Variants in DNAJC5 observed in about 807,000 individuals in gnomAD.
DNAJC5 encodes the protein DnaJ heat shock protein family (Hsp40) member C5.
Under a neutral mutation model 23.2 loss-of-function variants are expected in DNAJC5, and 1 was observed. The ratio of observed to expected loss-of-function variants is 0.04; its 90% confidence interval spans 0.02 to 0.20. DNAJC5 has a LOEUF of 0.20. Among genes scored for constraint, DNAJC5 ranks in the 10% least tolerant of loss-of-function variants. DNAJC5 has a pLI of 1.00. For missense variants in DNAJC5, 180 were observed against 267.0 expected, an observed-to-expected ratio of 0.67 and a Z score of 2.27; for synonymous variants, 136 against 120.0, an observed-to-expected ratio of 1.13 and a Z score of -0.87.
chr20:63,898,918 C>T (rs2053391456), intron 1 of DNAJC5, among the ~76,000 whole-genome samples: 1 of 152,156 alleles, frequency 6.6e-6, no homozygotes, highest in Non-Finnish European at 1.5e-5. Context: ...GTTCTCGTGC[C>T]ACAAAGTCCT....
chr20:63,926,787 A>G (rs1023277667), intron 1 of DNAJC5, among the ~76,000 whole-genome samples: 1 of 152,198 alleles, frequency 6.6e-6, no homozygotes, highest in Non-Finnish European at 1.5e-5. Flanking sequence ...AGTTGGCTTC[A>G]TGGAGCCCCC....
At chr20:63,915,893 C>G (rs968061414) in intron 1 of DNAJC5, among the ~76,000 whole-genome samples, 4 of 152,176 alleles carry the variant, frequency 2.6e-5, no homozygotes, top group African/African-American at 9.7e-5. Context: ...AAGTGACTAG[C>G]TAGTAAAGGA....
At chr20:63,924,035 TTG>T (rs573617445) in intron 1 of DNAJC5, among the ~76,000 whole-genome samples, 313 of 152,340 alleles carry the variant, frequency 2.1e-3, no homozygotes, top group Non-Finnish European at 3.3e-3. Flanking sequence ...GATTCTGCTG[TTG>T]TGTGTGTGTC....
At chr20:63,913,332 G>A (rs1013095812) in intron 1 of DNAJC5, among the ~76,000 whole-genome samples, 2 of 151,736 alleles carry the variant, frequency 1.3e-5, no homozygotes, top group African/African-American at 4.8e-5. Context: ...GACGTCATCT[G>A]TTCTTTCTAG....
At chr20:63,911,898 A>T (rs543995136) in intron 1 of DNAJC5, among the ~76,000 whole-genome samples, 3 of 151,872 alleles carry the variant, frequency 2.0e-5, no homozygotes, top group African/African-American at 7.2e-5. Flanking sequence ...CAGAATGATC[A>T]AACTTCTAGG....
rs577579444 is a variant in DNAJC5, at chr20:63,934,113, C to G, written c.*2545C>G. On this transcript the variant is annotated 3_prime_UTR_variant, in exon 5 of 5. Coordinates refer to ENST00000360864, the MANE Select transcript of DNAJC5 (RefSeq NM_025219.3). ...ACACTCGGGGCCTGGAGTTCCTCCC[C>G]CTGCCTGACCTAGAAGCAGAACCGT... 10 of 152,376 alleles carry G rather than the reference C, an allele frequency of 6.6e-5. No individual in the cohort carries two copies. The South Asian group carries it at 1.7e-3, about 25-fold the overall frequency. 9.4% of individuals were successfully genotyped at this position (152,376 alleles called of 1,614,324 possible). A position where few individuals can be genotyped will look rare whatever the true frequency, so the allele number is the denominator to read the frequency against.
At chr20:63,899,807 TC>T (rs1568973598) in intron 1 of DNAJC5, among the ~76,000 whole-genome samples, 1 of 151,756 alleles carries the variant, frequency 6.6e-6, no homozygotes, top group African/African-American at 2.4e-5. Context: ...GGTCTCGATC[TC>T]CTGACCTTGT....
At chr20:63,909,701 A>G (rs1398677387) in intron 1 of DNAJC5, among the ~76,000 whole-genome samples, 2 of 152,216 alleles carry the variant, frequency 1.3e-5, no homozygotes, top group Non-Finnish European at 2.9e-5. Context: ...AAAGAAAGAA[A>G]AAAGTCTTCC....
rs770758533 is a variant in DNAJC5 at position 63,931,480 on chromosome 20, C to T, written c.509C>T (p.Pro170Leu). The T allele has an allele frequency of 7.7e-6, 12 of 1,567,598 alleles. No individual in the cohort carries two copies. The highest frequency in any genetic ancestry group is 4.1e-5 in the African/African-American group (3 of 73,738). ...QSDEREATDT[P>L]IVIQPASATE... is the part of the protein sequence containing the mutation. ...TGCTTTTCAGAGGCCACAGACACGC[C>T]GATCGTCATACAGCCGGCATCCGCC... The change falls in exon 5 of 5, where the codon CCG becomes CTG. Residue 170 changes from proline (P) to leucine (L), a missense_variant. Around this residue, in one of 3 missense-constraint regions of DNAJC5, gnomAD observed 97 missense variants for 123.4 expected, o/e 0.79. Transcript: ENST00000360864. This position sits in a 1 kb window ranked among gnomAD's most constrained non-coding sequence, Gnocchi z 9.6.
At chr20:63,914,441 A>T (rs1200218765) in intron 1 of DNAJC5, among the ~76,000 whole-genome samples, 3 of 151,452 alleles carry the variant, frequency 2.0e-5, no homozygotes, top group Admixed American at 1.3e-4. Flanking sequence ...CAGTCTTCCG[A>T]GTCGCTGGGA....
intron 1 of DNAJC5, among the ~76,000 whole-genome samples, chr20:63,897,420 G>T (rs1462454820): frequency 6.6e-6 from 1 of 151,690 alleles, no homozygotes; most frequent in Non-Finnish European, 1.5e-5. Flanking sequence ...ATAAAAATTA[G>T]CTGGTTGTGG....
intron 1 of DNAJC5, among the ~76,000 whole-genome samples, chr20:63,897,091 C>T (rs1453362110): frequency 6.6e-6 from 1 of 152,120 alleles, no homozygotes; most frequent in Non-Finnish European, 1.5e-5. Context: ...GAAGTTAAAA[C>T]GTTTCTAAAA....
chr20:63,918,245 G>C (rs573761814), intron 1 of DNAJC5, among the ~76,000 whole-genome samples: 1 of 152,264 alleles, frequency 6.6e-6, no homozygotes, highest in East Asian at 1.9e-4. Flanking sequence ...AGCCAGGCAC[G>C]ATGCTGTGTG....
chr20:63,919,114 C>T (rs989414329), intron 1 of DNAJC5, among the ~76,000 whole-genome samples: 3 of 152,262 alleles, frequency 2.0e-5, no homozygotes, highest in South Asian at 4.1e-4. Flanking sequence ...TAAGAACACA[C>T]GTATTTTATT....
rs1231352823 is a variant in DNAJC5, at chr20:63,934,127, A to G, written c.*2559A>G. The stretch of plus-strand genomic sequence containing the variant: ...GAGTTCCTCCCCCTGCCTGACCTAG[A>G]AGCAGAACCGTTTTCAGCGCTCTGC... On this transcript the variant is annotated 3_prime_UTR_variant, in exon 5 of 5. Coordinates refer to ENST00000360864, the MANE Select transcript of DNAJC5 (RefSeq NM_025219.3). The G allele has an allele frequency of 6.6e-6, 1 of 152,126 alleles. No individual in the cohort carries two copies. Among genetic ancestry groups the G allele is most frequent in the East Asian group, 1.9e-4 (1 of 5,274 alleles). 9.4% of individuals were successfully genotyped at this position (152,126 alleles called of 1,614,324 possible). A position where few individuals can be genotyped will look rare whatever the true frequency, so the allele number is the denominator to read the frequency against.
chr20:63,899,872 C>T lies in DNAJC5; in HGVS notation c.-12+4549C>T, dbSNP rs539564350. 1.2e-3 allele frequency among the ~76,000 whole-genome samples: 164 copies of T among 141,488 alleles called. 1 individual carries two copies. Among genetic ancestry groups the T allele is most frequent in the Middle Eastern group, 4.3e-3 (1 of 234 alleles). 92.8% of individuals were successfully genotyped at this position (141,488 alleles called of 152,430 possible). A position where few individuals can be genotyped will look rare whatever the true frequency, so the allele number is the denominator to read the frequency against. ...CTGGGATTGCAGGTGTGAGCCACTGCGCCTGGGCTTTTTTTTTTTTTTTTT... is the reference window on the plus strand; with the variant it reads ...CTGGGATTGCAGGTGTGAGCCACTGTGCCTGGGCTTTTTTTTTTTTTTTTT... On this transcript the variant is annotated intron_variant, in intron 1 of 4. Transcript: ENST00000360864.
At chr20:63,919,846 T>A in intron 1 of DNAJC5, 1 of 223,308 alleles carries the variant, frequency 4.5e-6, no homozygotes, top group Non-Finnish European at 8.3e-6. Context: ...GACAGCGCCA[T>A]GGAAGAGGAC....
rs1329353665 is a variant in DNAJC5 at position 63,920,517 on chromosome 20, C to A, written c.-11-7818C>A. ...TGCCCTGGCGTAGGGAGGGAGGACACGGGTCCCCGCCATTTCAGAAGCTCA... is the reference window on the plus strand; with the variant it reads ...TGCCCTGGCGTAGGGAGGGAGGACAAGGGTCCCCGCCATTTCAGAAGCTCA... On this transcript the variant is annotated intron_variant, in intron 1 of 4. Transcript: ENST00000360864. The surrounding 1 kb of genome is among the most constrained non-coding windows in gnomAD (Gnocchi z 4.6). Among the ~76,000 whole-genome samples, 2 of 152,114 alleles carry A rather than the reference C, an allele frequency of 1.3e-5. No homozygotes were observed. Among genetic ancestry groups the A allele is most frequent in the African/African-American group, 4.8e-5 (2 of 41,432 alleles).
Position 63,933,379 on chromosome 20 carries a change from G to A in DNAJC5, c.*1811G>A, listed in dbSNP as rs2053690536. On this transcript the variant is annotated 3_prime_UTR_variant, in exon 5 of 5. Coordinates refer to ENST00000360864, the MANE Select transcript of DNAJC5 (RefSeq NM_025219.3). ...TGAGGGCCCCCAGCTGACCCCTACT[G>A]CAGATCCGCATGTGGACCATGAGCC... 1.3e-5 allele frequency: 2 copies of A among 152,298 alleles called. No homozygotes were observed. Among genetic ancestry groups the A allele is most frequent in the Non-Finnish European group, 1.5e-5 (1 of 68,048 alleles). The allele number at this position is 152,298 out of a possible 1,614,324, so 9.4% of individuals were successfully genotyped here.
Sources: allele counts gnomAD v4.1 joint callset (sites outside exome capture counted in the v4.1 genomes callset), GRCh38; gene constraint gnomAD v4.1.1; regional missense constraint gnomAD v4.1.1; non-coding constraint Gnocchi (gnomAD v3.1); transcripts MANE v1.5; gene names NCBI Gene and HGNC (gene_info 2026-07-23, HGNC 2026-07-21).